The following PARP4 variants were observed in gnomAD, a reference collection of about 807,000 sequenced individuals.
The protein encoded by PARP4 is poly(ADP-ribose) polymerase family member 4.
In PARP4, 120 loss-of-function variants were observed where a neutral mutation model predicts 187.7. The observed-to-expected ratio is 0.64, with a 90% CI of 0.55 to 0.74. PARP4 has a LOEUF of 0.74. Among genes scored for constraint, PARP4 ranks in the 30% least tolerant of loss-of-function variants. The pLI is 0.00. For synonymous variants in PARP4, 654 were observed against 740.9 expected, an observed-to-expected ratio of 0.88 and a Z score of 1.90; for missense variants, 1,836 against 2,070.5, an observed-to-expected ratio of 0.89 and a Z score of 2.20.
chr13:24,502,973 G>C (rs1306105779), intron 2 of PARP4, among the ~76,000 whole-genome samples: 1 of 152,222 alleles, frequency 6.6e-6, no homozygotes, highest in Non-Finnish European at 1.5e-5. Context: ...TTCGTCAACA[G>C]AGGGAACAGC....
At chr13:24,423,773 G>C (rs1869880210) in intron 33 of PARP4, among the ~76,000 whole-genome samples, 1 of 151,814 alleles carries the variant, frequency 6.6e-6, no homozygotes, top group Admixed American at 6.6e-5. Context: ...AACCTCCTGG[G>C]CTCAAGCAAT....
rs564132700 is a variant in PARP4, at chr13:24,501,972, T to C, written c.133-138A>G. 20 of 600,070 alleles carry C rather than the reference T, an allele frequency of 3.3e-5. 1 individual carries two copies. The highest frequency in any genetic ancestry group is 2.5e-4 in the South Asian group (12 of 47,914). 37.2% of individuals were successfully genotyped at this position (600,070 alleles called of 1,614,324 possible). ...TTTCTCAAATTTCGAAAAACCTCTATAAATATCACAGTTTCTAGTTACATA... is the reference window on the plus strand; with the variant it reads ...TTTCTCAAATTTCGAAAAACCTCTACAAATATCACAGTTTCTAGTTACATA... On this transcript the variant is annotated intron_variant, in intron 2 of 33. Coordinates refer to ENST00000381989, the MANE Select transcript of PARP4 (RefSeq NM_006437.4).
At position 24,434,452 on chromosome 13, in the gene PARP4, G is replaced by A; in HGVS notation, c.4689C>T (p.Cys1563=). 6.2e-7 allele frequency: 1 copy of A among 1,606,400 alleles called. No homozygotes were observed. Among genetic ancestry groups the A allele is most frequent in the South Asian group, 1.1e-5 (1 of 89,968 alleles). The change falls in exon 31 of 34, where the codon TGC becomes TGT. Residue 1563 remains cysteine, a synonymous_variant. Transcript: ENST00000381989. ...LEVKEEDEIV[C]IQHWQDAVPW... is the part of the protein sequence containing the mutation. ...GCACAGCATCCTGCCAGTGTTGTAT[G>A]CACACTATTTCATCCTCTTCTTTTA...
Position 24,501,673 on chromosome 13 carries a change from C to T in PARP4, c.294G>A (p.Leu98=). Residue 98 remains leucine, a synonymous_variant, in exon 3 of 34, where the codon CTG becomes CTA. Coordinates refer to ENST00000381989, the MANE Select transcript of PARP4 (RefSeq NM_006437.4). ...DVKNYDPYKP[L]DITPPPDQKA... is the part of the protein sequence containing the mutation. ...TCTGATCAGGAGGTGGTGTGATGTC[C>T]AGGGGCTTATAAGGATCATAATTCT... The T allele has an allele frequency of 1.2e-6, 2 of 1,613,490 alleles. No individual in the cohort carries two copies. The highest frequency in any genetic ancestry group is 1.1e-5 in the South Asian group (1 of 91,048).
intron 33 of PARP4, among the ~76,000 whole-genome samples, chr13:24,424,635 G>A (rs944063305): frequency 5.9e-5 from 9 of 151,302 alleles, no homozygotes; most frequent in Non-Finnish European, 1.2e-4. Context: ...TTAATCCTTA[G>A]GTACTATCCC....
At chr13:24,462,362 CAACAGAGAGTAATG>C (rs1872252427) in intron 17 of PARP4, among the ~76,000 whole-genome samples, 3 of 152,176 alleles carry the variant, frequency 2.0e-5, no homozygotes, top group African/African-American at 7.2e-5. Flanking sequence ...GTAATAATAA[CAACAGAGAGTAATG>C]ATAACAACAG....
chr13:24,458,210 C>T (rs1167158786), intron 20 of PARP4, among the ~76,000 whole-genome samples: 3 of 151,390 alleles, frequency 2.0e-5, no homozygotes, highest in African/African-American at 7.3e-5. Flanking sequence ...CCTGGGTTCA[C>T]GCCATTCTCC....
At chr13:24,454,921 C>T (rs1871737456) in intron 22 of PARP4, 96 bp downstream of exon 22, 1 of 1,002,508 alleles carries the variant, frequency 1.0e-6, no homozygotes, top group African/African-American at 1.6e-5. Flanking sequence ...CCCCTCACCA[C>T]ACAGGCAGGG....
chr13:24,483,254 A>G (rs1326387281), intron 12 of PARP4, among the ~76,000 whole-genome samples: 6 of 151,710 alleles, frequency 4.0e-5, no homozygotes, highest in Non-Finnish European at 7.4e-5. Context: ...TGGGAGGCCG[A>G]GGCGGGTGGA....
At chr13:24,504,910 G>A (rs1172600883) in intron 1 of PARP4, among the ~76,000 whole-genome samples, 1 of 151,010 alleles carries the variant, frequency 6.6e-6, no homozygotes, top group Non-Finnish European at 1.5e-5. Context: ...GGCCAGGCTG[G>A]TCTTGAACTC....
At chr13:24,510,048 T>C (rs12868252) in intron 1 of PARP4, among the ~76,000 whole-genome samples, 2,281 of 152,318 alleles carry the variant, frequency 0.015, 59 homozygotes, top group African/African-American at 0.051. Context: ...TCTTGTATCA[T>C]TGTATTTTCT....
rs554492188 is a variant in PARP4, at chr13:24,449,704, T to G, written c.3114+14A>C. The G allele has an allele frequency of 7.4e-7, 1 of 1,355,242 alleles. No homozygotes were observed. The highest frequency in any genetic ancestry group is 1.2e-5 in the South Asian group (1 of 84,210). The allele number at this position is 1,355,242 out of a possible 1,614,324, so 84.0% of individuals were successfully genotyped here. On this transcript the variant is annotated intron_variant, in intron 25 of 33. Coordinates refer to ENST00000381989, the MANE Select transcript of PARP4 (RefSeq NM_006437.4). Reference sequence around the variant, plus strand: ...CCAAACATAAATATAAAACCAGATGTTTAAAAAACATACCTGTTTTCTCCA... The same window carrying G: ...CCAAACATAAATATAAAACCAGATGGTTAAAAAACATACCTGTTTTCTCCA...
intron 17 of PARP4, among the ~76,000 whole-genome samples, chr13:24,464,287 G>GA (rs1872347456): frequency 6.6e-6 from 1 of 152,088 alleles, no homozygotes; most frequent in Non-Finnish European, 1.5e-5. Context: ...CACAGAATTA[G>GA]AAAAAACTAG....
intron 30 of PARP4, among the ~76,000 whole-genome samples, chr13:24,437,313 A>G (rs1870683021): frequency 6.6e-6 from 1 of 152,162 alleles, no homozygotes; most frequent in African/African-American, 2.4e-5. Context: ...TAGGAAAGGT[A>G]TTTCTAAGCA....
intron 24 of PARP4, 67 bp downstream of exon 24, chr13:24,452,339 C>A: frequency 7.6e-7 from 1 of 1,317,390 alleles, no homozygotes; most frequent in Non-Finnish European, 1.1e-6. Flanking sequence ...TTGCCAAAGT[C>A]CCCTGCAGGG....
chr13:24,503,210 G>T (rs1443871337), intron 2 of PARP4, among the ~76,000 whole-genome samples: 2 of 152,210 alleles, frequency 1.3e-5, no homozygotes, highest in Non-Finnish European at 2.9e-5. Flanking sequence ...CTGCGAAGAT[G>T]AGTCTGCACT....
chr13:24,436,586 G>A lies in PARP4; in HGVS notation c.3667-1112C>T, dbSNP rs368460743. Among the ~76,000 whole-genome samples the A allele has an allele frequency of 2.0e-5, 3 of 152,312 alleles. No individual in the cohort carries two copies. In the East Asian group the frequency reaches 5.8e-4, roughly 29 times the overall value. On this transcript the variant is annotated intron_variant, in intron 30 of 33. Coordinates refer to ENST00000381989, the MANE Select transcript of PARP4 (RefSeq NM_006437.4). ...GCCCCTCAAAGTGCTAGGATTACAG[G>A]TGTGAGACACTGTGTCCAGCCAAAA...
At chr13:24,467,989 C>A (rs1449850616) in intron 17 of PARP4, among the ~76,000 whole-genome samples, 2 of 115,404 alleles carry the variant, frequency 1.7e-5, no homozygotes, top group Non-Finnish European at 3.9e-5. Context: ...ATGTCAAGAG[C>A]AATAATTTAC....
In PARP4 at chr13:24,431,917, C is replaced by T. The variant is rs376371148; in HGVS notation, c.4747-441G>A. On this transcript the variant is annotated intron_variant, in intron 31 of 33. Transcript: ENST00000381989. ...TTTTTAATTTTTATTTTAGTAGAGA[C>T]GGGGTTTCACCATGTCAGCCAGAAT... 3.2e-4 allele frequency among the ~76,000 whole-genome samples: 48 copies of T among 152,166 alleles called. No homozygotes were observed. The East Asian group carries it at 6.9e-3, about 22-fold the overall frequency.
Sources: gnomAD v4.1 joint callset for allele counts (sites outside exome capture counted in the v4.1 genomes callset) on GRCh38, gnomAD v4.1.1 for gene constraint, MANE v1.5 for transcripts, NCBI Gene and HGNC (gene_info 2026-07-23, HGNC 2026-07-21) for gene names.